Variants in CYP20A1 observed in about 807,000 individuals in gnomAD.
CYP20A1 encodes cytochrome P450 family 20 subfamily A member 1, also known as cytochrome P450 20A1.
In CYP20A1, 61 loss-of-function variants were observed where a neutral mutation model predicts 61.4. The observed-to-expected ratio is 0.99, with a 90% confidence interval of 0.81 to 1.23. The LOEUF is 1.23. Among genes scored for constraint, CYP20A1 ranks in the 50% most tolerant of loss-of-function variants. The pLI is 0.00. For synonymous variants in CYP20A1, 193 were observed against 188.2 expected (o/e 1.03, Z -0.21); for missense variants, 530 against 542.4 (o/e 0.98, Z 0.23).
chr2:203,251,994 C>G lies in CYP20A1; in HGVS notation c.317C>G (p.Ser106Ter). ...GACCCTTTTGAAACCATGCTGAAGT[C>G]ATTATTAAGGTATCAATCTGGTGGT... is the stretch of plus-strand genomic sequence containing the variant. The part of the protein sequence containing the change: ...TSDPFETMLK[S>*]LLRYQSGGGS... The change falls in exon 4 of 13, where the codon TCA (serine) becomes TGA (stop). Residue 106 changes from serine to a stop codon, truncating the protein, a stop_gained. Transcript: ENST00000356079. LOFTEE classifies it high-confidence loss of function. 6.2e-7 allele frequency: 1 copy of G among 1,603,550 alleles called. No homozygotes were observed. Among genetic ancestry groups the G allele is most frequent in the South Asian group, 1.1e-5 (1 of 89,708 alleles).
intron 1 of CYP20A1, among the ~76,000 whole-genome samples, chr2:203,241,269 G>A (rs571915513): frequency 6.6e-6 from 1 of 152,264 alleles, no homozygotes; most frequent in South Asian, 2.1e-4. Context: ...AGTTGGTTTT[G>A]GGTGGGCTAG....
chr2:203,286,470 TAAAC>T (rs1404486780), intron 9 of CYP20A1, among the ~76,000 whole-genome samples: 3 of 127,102 alleles, frequency 2.4e-5, no homozygotes, highest in South Asian at 2.6e-4. Context: ...GGTAAATAGA[TAAAC>T]AAATTGTGGT....
rs1214533828 is a variant in CYP20A1, at chr2:203,296,196, C to T, written c.1149-278C>T. Among the ~76,000 whole-genome samples, 6 of 151,928 alleles carry T rather than the reference C, an allele frequency of 3.9e-5. No individual in the cohort carries two copies. In the South Asian group the frequency reaches 1.2e-3, roughly 32 times the overall value. On this transcript the variant is annotated intron_variant, in intron 11 of 12. Transcript: ENST00000356079. ...GAAGGATAGTTTAAGTCCAGGAGGT[C>T]GAGGCTGCAGTGAGCCTTGATTGCA...
chr2:203,280,894 A>T (rs2068017445), intron 8 of CYP20A1, among the ~76,000 whole-genome samples: 1 of 152,170 alleles, frequency 6.6e-6, no homozygotes, highest in South Asian at 2.1e-4. Context: ...AGTGCCTTTA[A>T]AATGAACTGC....
intron 7 of CYP20A1, among the ~76,000 whole-genome samples, chr2:203,279,415 G>T (rs867932531): frequency 6.6e-6 from 1 of 152,178 alleles, no homozygotes; most frequent in Non-Finnish European, 1.5e-5. Context: ...TGTGTTAGGT[G>T]TATTAGACTA....
At chr2:203,241,451 A>G (rs1249297176) in intron 1 of CYP20A1, among the ~76,000 whole-genome samples, 1 of 152,236 alleles carries the variant, frequency 6.6e-6, no homozygotes. Flanking sequence ...ATTTAGATAC[A>G]GGAGAGAAGA....
chr2:203,242,264 G>A (rs1391290789), intron 1 of CYP20A1, among the ~76,000 whole-genome samples: 7 of 152,176 alleles, frequency 4.6e-5, no homozygotes, highest in Admixed American at 4.6e-4. Context: ...GGGATTACAG[G>A]CATGAGCCAC....
Position 203,242,090 on chromosome 2 carries a change from C to T in CYP20A1, c.72+2956C>T, listed in dbSNP as rs201653635. ...CTCCTGACCTCAAGTGATCTGCCCA[C>T]CTTGGCCTCCCAAAGCACTGGGATT... On this transcript the variant is annotated intron_variant, in intron 1 of 12. Coordinates refer to ENST00000356079, the MANE Select transcript of CYP20A1 (RefSeq NM_177538.3). 8.5e-5 allele frequency among the ~76,000 whole-genome samples: 13 copies of T among 152,194 alleles called. No homozygotes were observed. In the East Asian group the frequency reaches 2.5e-3, roughly 29 times the overall value.
intron 1 of CYP20A1, 23 bp downstream of exon 1, chr2:203,239,157 G>A: frequency 6.2e-7 from 1 of 1,603,494 alleles, no homozygotes; most frequent in Non-Finnish European, 8.5e-7. Context: ...TTGGCTCTCT[G>A]GGGCCCCGGG....
At position 203,269,613 on chromosome 2, in the gene CYP20A1, G is replaced by A. The variant is rs935857476; in HGVS notation, c.600+2932G>A. Among the ~76,000 whole-genome samples the A allele has an allele frequency of 2.0e-5, 3 of 151,456 alleles. No individual in the cohort carries two copies. The East Asian group carries it at 5.8e-4, about 29-fold the overall frequency. On this transcript the variant is annotated intron_variant, in intron 5 of 12. Transcript: ENST00000356079. ...AGGTTAAAGCGATTCTCCTGCCTCA[G>A]CCTCCCCAGTAGCTGGGATTACAGG... is the stretch of plus-strand genomic sequence containing the variant.
rs1215507315 is a variant in CYP20A1, at chr2:203,300,335, TATTC to T, written c.*3433_*3436del. ...AGTACTGTTAATATATAAACTAAGT[TATTC>T]ATTCACTGTTTTTCTTCACAGTAAG... On this transcript the variant is annotated 3_prime_UTR_variant, in exon 13 of 13. Transcript: ENST00000356079. 6.6e-6 allele frequency among the ~76,000 whole-genome samples: 1 copy of T among 152,194 alleles called. No individual in the cohort carries two copies. Among genetic ancestry groups the T allele is most frequent in the African/African-American group, 2.4e-5 (1 of 41,456 alleles).
chr2:203,259,560 T>G (rs1341477066), intron 4 of CYP20A1: 1 of 152,016 alleles, frequency 6.6e-6, no homozygotes, highest in African/African-American at 2.4e-5. Context: ...AGAAGCCAGG[T>G]AGGCACCTGG....
chr2:203,255,313 TATG>T lies in CYP20A1; in HGVS notation c.432+3207_432+3209del, dbSNP rs547098503. Among the ~76,000 whole-genome samples, 7 of 152,362 alleles carry T rather than the reference TATG, an allele frequency of 4.6e-5. No homozygotes were observed. The South Asian group carries it at 8.3e-4, about 18-fold the overall frequency. On this transcript the variant is annotated intron_variant, in intron 4 of 12. Transcript: ENST00000356079. ...AAATATTAATACTTTTTAAAAAAAC[TATG>T]ATATTATATTTGCCTCTTTGTTAAC...
intron 4 of CYP20A1, among the ~76,000 whole-genome samples, chr2:203,255,774 T>G (rs558100731): frequency 1.5e-4 from 23 of 152,312 alleles, no homozygotes; most frequent in African/African-American, 5.5e-4. Context: ...TTCTTTTAAG[T>G]CTTCAGATGT....
chr2:203,282,945 A>G (rs532047038), intron 8 of CYP20A1, among the ~76,000 whole-genome samples: 5 of 152,294 alleles, frequency 3.3e-5, no homozygotes, highest in Admixed American at 1.3e-4. Flanking sequence ...CATCATTTTT[A>G]AGAGTCCTAC....
chr2:203,242,800 A>G (rs553122609), intron 1 of CYP20A1, among the ~76,000 whole-genome samples: 2 of 152,202 alleles, frequency 1.3e-5, no homozygotes, highest in East Asian at 3.9e-4. Flanking sequence ...CAAAAAAAAA[A>G]AAAGCTTAGG....
In CYP20A1 at chr2:203,255,594, AT is replaced by A. The variant is rs369567966; in HGVS notation, c.432+3486del. On this transcript the variant is annotated intron_variant, in intron 4 of 12. Coordinates refer to ENST00000356079, the MANE Select transcript of CYP20A1 (RefSeq NM_177538.3). ...AAGTTCATGGACTGCACTGGATTCC[AT>A]GAACAGACCCTTTGGTATCTGTGGA... Among the ~76,000 whole-genome samples, 51 of 152,352 alleles carry A rather than the reference AT, an allele frequency of 3.3e-4. No individual in the cohort carries two copies. The East Asian group carries it at 6.4e-3, about 19-fold the overall frequency.
rs1300655596 is a variant in CYP20A1 at position 203,246,919 on chromosome 2, C to T, written c.287C>T (p.Thr96Ile). The change falls in exon 3 of 13, where the codon ACA (threonine) becomes ATA (isoleucine). Residue 96 changes from threonine (T) to isoleucine (I), a missense_variant and splice_region_variant. Transcript: ENST00000356079. ...AAGCAGCATATCAATCCCAATAAGA[C>T]ATGTAAGTTTAATTTTCTTTCTAAT... ...VLKQHINPNKTSDPFETMLKS... is the reference protein window; with the variant it reads ...VLKQHINPNKISDPFETMLKS... 1 of 1,609,352 alleles carries T rather than the reference C, an allele frequency of 6.2e-7. No homozygotes were observed. The highest frequency in any genetic ancestry group is 1.3e-5 in the African/African-American group (1 of 74,448).
intron 1 of CYP20A1, among the ~76,000 whole-genome samples, chr2:203,241,051 C>A (rs2066236490): frequency 6.6e-6 from 1 of 152,132 alleles, no homozygotes; most frequent in African/African-American, 2.4e-5. Context: ...ATAATGAGAA[C>A]TAGTCAATTG....
Sources: allele counts gnomAD v4.1 joint callset (sites outside exome capture counted in the v4.1 genomes callset), GRCh38; gene constraint gnomAD v4.1.1; transcripts MANE v1.5; gene names NCBI Gene and HGNC (gene_info 2026-07-23, HGNC 2026-07-21).